MEGF6: variants seen among roughly 807,000 people sequenced by gnomAD.
MEGF6 encodes the protein multiple EGF like domains 6, also known as multiple epidermal growth factor-like domains protein 6.
Under a neutral mutation model 207.1 loss-of-function variants are expected in MEGF6, and 184 were observed. The observed-to-expected ratio is 0.89, with a 90% CI of 0.79 to 1.00. The LOEUF (loss-of-function observed/expected upper bound fraction) is 1.00, where lower values mean the gene tolerates loss of function less well. Among genes scored for constraint, MEGF6 ranks in the 50% least tolerant of loss-of-function variants. The probability of loss-of-function intolerance (pLI) is 0.00; values close to 1 mark genes in which losing one functional copy is unlikely to be tolerated. For missense variants in MEGF6, 2,282 were observed against 2,202.9 expected (o/e 1.04, Z -0.72); for synonymous variants, 1,038 against 910.0 (o/e 1.14, Z -2.53).
At chr1:3,621,830 A>G in the MEGF6 span, among the ~76,000 whole-genome samples, 2 of 152,164 alleles carry the variant, frequency 1.3e-5, no homozygotes, top group Non-Finnish European at 2.9e-5. Flanking sequence ...CAGTCAAAGG[A>G]GATTATTTTG....
chr1:3,574,470 T>C (rs374463251), intron 4 of MEGF6, among the ~76,000 whole-genome samples: 3 of 150,460 alleles, frequency 2.0e-5, no homozygotes, highest in African/African-American at 4.9e-5. Flanking sequence ...AAGCCTCTGA[T>C]GGGCATCACT....
intron 4 of MEGF6, among the ~76,000 whole-genome samples, chr1:3,546,469 G>A (rs61548507): frequency 6.6e-6 from 1 of 152,232 alleles, no homozygotes; most frequent in Non-Finnish European, 1.5e-5. Flanking sequence ...TGGGTGAGGA[G>A]TACCCCGAGT....
chr1:3,500,540 G>A (rs767063916), intron 21 of MEGF6, 93 bp downstream of exon 21: 400 of 1,448,408 alleles, frequency 2.8e-4, no homozygotes, highest in Non-Finnish European at 3.5e-4. Flanking sequence ...GCAGGAGGGA[G>A]TACGGTCAAA....
chr1:3,491,518 A>C (rs1640364480), intron 35 of MEGF6, among the ~76,000 whole-genome samples: 1 of 151,950 alleles, frequency 6.6e-6, no homozygotes, highest in South Asian at 2.1e-4. Context: ...AAGGCTCTGA[A>C]CAATCTGCAG....
the MEGF6 span, among the ~76,000 whole-genome samples, chr1:3,617,130 C>G: frequency 6.6e-6 from 1 of 151,446 alleles, no homozygotes; most frequent in Non-Finnish European, 1.5e-5. Flanking sequence ...ATGCAGGCCC[C>G]CACAACTGCC....
chr1:3,576,143 C>T (rs1454966135), intron 4 of MEGF6, among the ~76,000 whole-genome samples: 7 of 152,268 alleles, frequency 4.6e-5, no homozygotes, highest in African/African-American at 1.4e-4. Context: ...TGCACTGGGC[C>T]GGGGAAGCCT....
chr1:3,580,890 G>C (rs1285271495), intron 3 of MEGF6, among the ~76,000 whole-genome samples: 1 of 152,102 alleles, frequency 6.6e-6, no homozygotes, highest in Non-Finnish European at 1.5e-5. Flanking sequence ...GAGTTTGTGT[G>C]TCACTCACAG....
intron 4 of MEGF6, among the ~76,000 whole-genome samples, chr1:3,532,190 G>C (rs868513546): frequency 9.8e-5 from 15 of 152,342 alleles, no homozygotes; most frequent in East Asian, 3.9e-4. Flanking sequence ...GGCATAGCCC[G>C]GGGGAGGCAG....
At chr1:3,498,050 G>C (rs568763117) in intron 26 of MEGF6, among the ~76,000 whole-genome samples, 2 of 152,264 alleles carry the variant, frequency 1.3e-5, no homozygotes, top group East Asian at 3.9e-4. Flanking sequence ...AGGACAAGGG[G>C]TGAAGGGGCC....
At chr1:3,610,475 C>T (rs1023946688) in intron 1 of MEGF6, among the ~76,000 whole-genome samples, 2 of 100,378 alleles carry the variant, frequency 2.0e-5, no homozygotes, top group African/African-American at 9.3e-5. Context: ...AGCGACTCCC[C>T]TCCTCCTCCT....
At chr1:3,493,705 C>G in intron 34 of MEGF6, 66 bp downstream of exon 34, 1 of 1,573,134 alleles carries the variant, frequency 6.4e-7, no homozygotes, top group Non-Finnish European at 8.7e-7. Flanking sequence ...AGGGCCCAAC[C>G]AATCAATATT....
chr1:3,623,541 C>G, the MEGF6 span: 1 of 152,312 alleles, frequency 6.6e-6, no homozygotes, highest in Non-Finnish European at 1.5e-5. Flanking sequence ...GCACCCTTGC[C>G]GGGGAGACAG....
intron 3 of MEGF6, among the ~76,000 whole-genome samples, chr1:3,585,507 GGTGT>G (rs935378156): frequency 6.8e-6 from 1 of 146,100 alleles, no homozygotes; most frequent in Non-Finnish European, 1.5e-5. Flanking sequence ...CCTGTGTGTG[GGTGT>G]GAGTGACACA....
At chr1:3,567,258 G>A (rs778975716) in intron 4 of MEGF6, among the ~76,000 whole-genome samples, 14 of 152,180 alleles carry the variant, frequency 9.2e-5, no homozygotes, top group Non-Finnish European at 1.6e-4. Flanking sequence ...GCCTGGACAC[G>A]CTTCCTCCCT....
rs776810193 is a variant in MEGF6 at position 3,556,843 on chromosome 1, G to A, written c.481+22982C>T. On this transcript the variant is annotated intron_variant, in intron 4 of 36. Transcript: ENST00000356575. The surrounding 1 kb of genome is among the most constrained non-coding windows in gnomAD (Gnocchi z 4.4). The stretch of plus-strand genomic sequence containing the variant: ...AATGTTAAAAACTGCCGAGCCTGCC[G>A]GGTGAGGATGGTGAGGCTGCCTCAT... Among the ~76,000 whole-genome samples the A allele has an allele frequency of 1.2e-4, 19 of 152,204 alleles. No homozygotes were observed. The highest frequency in any genetic ancestry group is 1.9e-4 in the African/African-American group (8 of 41,456).
intron 18 of MEGF6, 134 bp downstream of exon 18, chr1:3,501,662 T>C: frequency 7.9e-7 from 1 of 1,268,332 alleles, no homozygotes; most frequent in East Asian, 2.6e-5. Flanking sequence ...CCCAGGGGAG[T>C]GCACTGTGAG....
chr1:3,572,547 C>T (rs1304733588), intron 4 of MEGF6, among the ~76,000 whole-genome samples: 1 of 142,572 alleles, frequency 7.0e-6, no homozygotes, highest in African/African-American at 2.7e-5. Flanking sequence ...CCCAGGTATG[C>T]TGGGTTCTCT....
chr1:3,507,797 T>C lies in MEGF6; in HGVS notation c.1787A>G (p.Asp596Gly), dbSNP rs1284437163. Reference protein sequence around the residue: ...PPGVSGTNCEDGCPKGYYGKH... With the variant: ...PPGVSGTNCEGGCPKGYYGKH... The stretch of plus-strand genomic sequence containing the variant: ...GCACCAGAAGAGGCTGCACGCACCA[T>C]CCTCACAGTTAGTTCCACTGACACC... The change falls in exon 14 of 37, where the codon GAT becomes GGT. Residue 596 changes from aspartate (D) to glycine (G), a missense_variant and splice_region_variant. Asp to Gly is a moderately conservative substitution (Grantham distance 94). Transcript: ENST00000356575. 10 of 1,612,592 alleles carry C rather than the reference T, an allele frequency of 6.2e-6. No individual in the cohort carries two copies. The highest frequency in any genetic ancestry group is 1.6e-4 in the Middle Eastern group (1 of 6,082).
the MEGF6 span, among the ~76,000 whole-genome samples, chr1:3,620,712 G>C: frequency 2.0e-5 from 3 of 152,242 alleles, no homozygotes; most frequent in Non-Finnish European, 4.4e-5. Flanking sequence ...AGAGATCGTA[G>C]AAATAAAGAC....
Sources: allele counts gnomAD v4.1 joint callset (sites outside exome capture counted in the v4.1 genomes callset), GRCh38; gene constraint gnomAD v4.1.1; non-coding constraint Gnocchi (gnomAD v3.1); transcripts MANE v1.5; gene names NCBI Gene and HGNC (gene_info 2026-07-23, HGNC 2026-07-21).